The following FAT3 variants were observed in gnomAD, a reference collection of about 807,000 sequenced individuals.
FAT3 encodes the protein protocadherin Fat 3.
FAT3 carries 95 observed loss-of-function variants against 310.2 expected under a neutral mutation model. The ratio of observed to expected loss-of-function variants is 0.31; its 90% confidence interval spans 0.26 to 0.36. The LOEUF (loss-of-function observed/expected upper bound fraction) is 0.36, where lower values mean the gene tolerates loss of function less well. FAT3 is among the 10% of genes least tolerant of loss of function. The pLI, the probability that FAT3 is intolerant of heterozygous loss-of-function variation, is 1.00. For synonymous variants in FAT3, 2,314 were observed against 2,192.9 expected, an observed-to-expected ratio of 1.06 and a Z score of -1.54; for missense variants, 5,408 against 5,715.6, an observed-to-expected ratio of 0.95 and a Z score of 1.74.
intron 1 of FAT3, among the ~76,000 whole-genome samples, chr11:92,275,545 T>C (rs1033777745): frequency 6.6e-6 from 1 of 152,056 alleles, no homozygotes; most frequent in African/African-American, 2.4e-5. Context: ...GGAATCTGTT[T>C]CCTTACTTTC....
chr11:92,356,670 C>T (rs1484057005), intron 2 of FAT3, among the ~76,000 whole-genome samples: 1 of 152,146 alleles, frequency 6.6e-6, no homozygotes, highest in African/African-American at 2.4e-5. Context: ...AACCTAACTT[C>T]CTCCCAAAGA....
At chr11:92,681,207 A>T (rs1943471882) in intron 3 of FAT3, among the ~76,000 whole-genome samples, 1 of 152,240 alleles carries the variant, frequency 6.6e-6, no homozygotes, top group African/African-American at 2.4e-5. Flanking sequence ...GGAGCTAGAC[A>T]ATAGATAAGT....
chr11:92,880,034 A>T (rs1051826636), intron 22 of FAT3, among the ~76,000 whole-genome samples: 5 of 152,008 alleles, frequency 3.3e-5, no homozygotes, highest in African/African-American at 1.2e-4. Context: ...ATGCATCTCA[A>T]GAGGTCGATA....
At chr11:92,594,111 C>T (rs1159230803) in intron 3 of FAT3, among the ~76,000 whole-genome samples, 1 of 152,104 alleles carries the variant, frequency 6.6e-6, no homozygotes, top group Non-Finnish European at 1.5e-5. Flanking sequence ...AGTGCAAGAC[C>T]TTGTGATATC....
intron 2 of FAT3, among the ~76,000 whole-genome samples, chr11:92,447,058 A>C (rs947723813): frequency 1.3e-5 from 2 of 151,922 alleles, no homozygotes; most frequent in Admixed American, 1.3e-4. Context: ...CACATACTAC[A>C]GAACAAATTA....
chr11:92,671,703 C>T (rs956505121), intron 3 of FAT3, among the ~76,000 whole-genome samples: 7 of 152,102 alleles, frequency 4.6e-5, no homozygotes, highest in African/African-American at 1.4e-4. Context: ...CTGTACATTC[C>T]ATGAAGGCAT....
intron 1 of FAT3, among the ~76,000 whole-genome samples, chr11:92,337,437 G>T (rs1158924279): frequency 6.6e-6 from 1 of 152,208 alleles, no homozygotes; most frequent in East Asian, 1.9e-4. Flanking sequence ...TTGTTTGTTT[G>T]TTTTTTGTTT....
chr11:92,443,507 A>G (rs941498469), intron 2 of FAT3, among the ~76,000 whole-genome samples: 1 of 152,232 alleles, frequency 6.6e-6, no homozygotes, highest in African/African-American at 2.4e-5. Flanking sequence ...GGCCATGAGA[A>G]CAGAAGTTAA....
At chr11:92,274,334 C>A (rs1267882555) in intron 1 of FAT3, among the ~76,000 whole-genome samples, 1 of 151,968 alleles carries the variant, frequency 6.6e-6, no homozygotes, top group African/African-American at 2.4e-5. Flanking sequence ...ATTTGGTCTT[C>A]ATTTAAAAAT....
intron 2 of FAT3, among the ~76,000 whole-genome samples, chr11:92,466,953 G>A (rs1171206333): frequency 6.6e-6 from 1 of 151,884 alleles, no homozygotes. Flanking sequence ...TGGTGTATAT[G>A]TGCCACATTT....
chr11:92,234,903 A>C (rs1292264063), intron 1 of FAT3, among the ~76,000 whole-genome samples: 2 of 54,822 alleles, frequency 3.6e-5, no homozygotes, highest in African/African-American at 8.6e-5. Flanking sequence ...ACTCCGTCTC[A>C]AAAAAAAAAA....
intron 2 of FAT3, among the ~76,000 whole-genome samples, chr11:92,446,196 C>T (rs966665121): frequency 1.3e-5 from 2 of 152,130 alleles, no homozygotes; most frequent in African/African-American, 2.4e-5. Flanking sequence ...TAATAACTAC[C>T]ACCTGTTGTG....
At chr11:92,467,909 G>A (rs1218484043) in intron 2 of FAT3, among the ~76,000 whole-genome samples, 2 of 152,140 alleles carry the variant, frequency 1.3e-5, no homozygotes, top group Non-Finnish European at 2.9e-5. Context: ...AAACCACTGG[G>A]GTCAGATGTA....
At chr11:92,783,357 CAAA>C (rs35357267) in intron 7 of FAT3, among the ~76,000 whole-genome samples, 1 of 45,068 alleles carries the variant, frequency 2.2e-5, no homozygotes, top group Non-Finnish European at 3.8e-5. Context: ...GACTCCATCT[CAAA>C]AAAAAAAAAA....
chr11:92,315,213 TG>T (rs1218938613), intron 1 of FAT3, among the ~76,000 whole-genome samples: 1 of 150,366 alleles, frequency 6.7e-6, no homozygotes, highest in East Asian at 1.9e-4. Flanking sequence ...GTGTTAAAAA[TG>T]TAAAAAACAG....
chr11:92,422,172 G>A (rs939991083), intron 2 of FAT3, among the ~76,000 whole-genome samples: 1 of 152,122 alleles, frequency 6.6e-6, no homozygotes, highest in African/African-American at 2.4e-5. Flanking sequence ...AGTACATCTA[G>A]TTCTCCTTCC....
chr11:92,598,807 CAG>C (rs1939858305), intron 3 of FAT3, among the ~76,000 whole-genome samples: 1 of 152,162 alleles, frequency 6.6e-6, no homozygotes, highest in Admixed American at 6.5e-5. Flanking sequence ...TTCTGTCCCT[CAG>C]TTTCTCCTAT....
At chr11:92,665,652 A>G (rs1380042987) in intron 3 of FAT3, among the ~76,000 whole-genome samples, 1 of 152,146 alleles carries the variant, frequency 6.6e-6, no homozygotes, top group Non-Finnish European at 1.5e-5. Context: ...CTTCTTTTTC[A>G]TTTTAGTGGT....
intron 3 of FAT3, among the ~76,000 whole-genome samples, chr11:92,601,664 T>C (rs994959447): frequency 6.6e-6 from 1 of 152,124 alleles, no homozygotes; most frequent in Non-Finnish European, 1.5e-5. Flanking sequence ...AGGAGGGGAT[T>C]GATGAAGGAC....
Sources: gnomAD v4.1 joint callset for allele counts (sites outside exome capture counted in the v4.1 genomes callset) on GRCh38, gnomAD v4.1.1 for gene constraint, MANE v1.5 for transcripts, NCBI Gene and HGNC (gene_info 2026-07-23, HGNC 2026-07-21) for gene names.